Variants in CNIH3 observed in about 807,000 individuals in gnomAD.
CNIH3 encodes cornichon family AMPA receptor auxiliary protein 3.
A neutral mutation model predicts 24.1 loss-of-function variants in CNIH3; 14 were observed. That is an observed-to-expected ratio of 0.58 (90% CI 0.38 to 0.91). The LOEUF (loss-of-function observed/expected upper bound fraction) is 0.91. CNIH3 is among the 40% of genes least tolerant of loss of function. The pLI is 0.00. For synonymous variants in CNIH3, 68 were observed against 73.8 expected (o/e 0.92, Z 0.40); for missense variants, 178 against 196.8 (o/e 0.90, Z 0.57).
chr1:224,514,932 C>A (rs967192782), upstream of CNIH3, among the ~76,000 whole-genome samples: 1 of 152,206 alleles, frequency 6.6e-6, no homozygotes, highest in African/African-American at 2.4e-5. Flanking sequence ...GGAGCCTAGG[C>A]CAGAGAAGTG....
At chr1:224,603,638 AT>A (rs530392857) in intron 3 of CNIH3, among the ~76,000 whole-genome samples, 24 of 152,104 alleles carry the variant, frequency 1.6e-4, no homozygotes, top group African/African-American at 5.3e-4. Flanking sequence ...GGTGAGACAC[AT>A]TTTTTTTATG....
intron 3 of CNIH3, among the ~76,000 whole-genome samples, chr1:224,688,645 A>G (rs2125154651): frequency 1.3e-5 from 2 of 152,268 alleles, no homozygotes; most frequent in South Asian, 4.1e-4. Context: ...TACATATTTT[A>G]CTACATTTAC....
At chr1:224,504,085 AC>A (rs1301835796) in intron 1 of CNIH3, among the ~76,000 whole-genome samples, 2 of 152,298 alleles carry the variant, frequency 1.3e-5, no homozygotes, top group Admixed American at 1.3e-4. Context: ...TACTTGCCCT[AC>A]TTACTTAAAC....
At chr1:224,606,387 GA>G (rs1463719435) in intron 3 of CNIH3, among the ~76,000 whole-genome samples, 1 of 152,140 alleles carries the variant, frequency 6.6e-6, no homozygotes, top group East Asian at 1.9e-4. Flanking sequence ...TGGGGAGCTG[GA>G]AAGGGGATGG....
At chr1:224,474,290 G>A (rs559156849) in intron 1 of CNIH3, among the ~76,000 whole-genome samples, 9 of 151,834 alleles carry the variant, frequency 5.9e-5, no homozygotes, top group African/African-American at 1.9e-4. Flanking sequence ...CTTGCACCCA[G>A]GAGGCAGAGG....
chr1:224,617,231 G>C lies in CNIH3; in HGVS notation c.57G>C (p.Ala19=). The change falls in exon 1 of 6, where the codon GCG becomes GCC. Residue 19 remains alanine, a synonymous_variant. Coordinates refer to ENST00000272133, the MANE Select transcript of CNIH3 (RefSeq NM_152495.2). ...CYMLSLVLCA[A]LIFFAIWHII... is the part of the protein sequence containing the mutation. The stretch of plus-strand genomic sequence containing the variant: ...TGCTGTCTCTGGTGCTGTGCGCTGC[G>C]CTCATCTTCTTCGCCATCTGGCACG... 3 of 1,613,972 alleles carry C rather than the reference G, an allele frequency of 1.9e-6. No homozygotes were observed. The highest frequency in any genetic ancestry group is 2.5e-6 in the Non-Finnish European group (3 of 1,179,948).
chr1:224,474,258 G>C (rs991795401), intron 1 of CNIH3, among the ~76,000 whole-genome samples: 5 of 152,016 alleles, frequency 3.3e-5, no homozygotes, highest in Admixed American at 1.3e-4. Flanking sequence ...CAGCTACTTG[G>C]GAGGCTGAGG....
chr1:224,595,846 A>C (rs1681954647), intron 3 of CNIH3, among the ~76,000 whole-genome samples: 2 of 152,250 alleles, frequency 1.3e-5, no homozygotes, highest in Non-Finnish European at 2.9e-5. Flanking sequence ...GCCAAAGCCT[A>C]ACCCAGAGCA....
At chr1:224,725,167 G>A (rs1022577848) in intron 3 of CNIH3, among the ~76,000 whole-genome samples, 1 of 152,168 alleles carries the variant, frequency 6.6e-6, no homozygotes, top group Non-Finnish European at 1.5e-5. Flanking sequence ...CCAAGATCGT[G>A]CTACTGCACT....
Position 224,506,156 on chromosome 1 carries a change from T to G in CNIH3, n.204-9585T>G, listed in dbSNP as rs1204902661. Among the ~76,000 whole-genome samples, 3 of 152,204 alleles carry G rather than the reference T, an allele frequency of 2.0e-5. No homozygotes were observed. The South Asian group carries it at 6.2e-4, about 31-fold the overall frequency. Reference sequence around the variant, plus strand: ...GAATCTCTGAGGAATGAAATTCCTTTGTAACAAAGGCAGCTGAGTATTAAA... The same window carrying G: ...GAATCTCTGAGGAATGAAATTCCTTGGTAACAAAGGCAGCTGAGTATTAAA... On this transcript the variant is annotated intron_variant and non_coding_transcript_variant, in intron 1 of 5. Transcript: ENST00000471578.
intron 1 of CNIH3, among the ~76,000 whole-genome samples, chr1:224,619,180 A>G (rs1683167182): frequency 6.6e-6 from 1 of 152,220 alleles, no homozygotes; most frequent in African/African-American, 2.4e-5. Flanking sequence ...AGAGCAAGTA[A>G]CCAGAAAGAA....
chr1:224,485,115 G>A lies in CNIH3; in HGVS notation n.204-30626G>A, dbSNP rs1221032970. On this transcript the variant is annotated intron_variant and non_coding_transcript_variant, in intron 1 of 5. Coordinates refer to the CNIH3 transcript ENST00000471578. The stretch of plus-strand genomic sequence containing the variant: ...TTGAGCTTTATTTTGGGATGTAGTT[G>A]AGTTTATTGGAAACAGCCCTCTGTT... 2.0e-5 allele frequency among the ~76,000 whole-genome samples: 3 copies of A among 152,162 alleles called. No individual in the cohort carries two copies. The East Asian group carries it at 5.8e-4, about 29-fold the overall frequency.
At chr1:224,714,735 C>T (rs905575631) in intron 3 of CNIH3, among the ~76,000 whole-genome samples, 2 of 152,170 alleles carry the variant, frequency 1.3e-5, no homozygotes, top group African/African-American at 2.4e-5. Context: ...AGGGTCACTC[C>T]GTTCATCCAC....
At chr1:224,468,555 T>G (rs984028048) in intron 1 of CNIH3, among the ~76,000 whole-genome samples, 1 of 152,206 alleles carries the variant, frequency 6.6e-6, no homozygotes, top group African/African-American at 2.4e-5. Flanking sequence ...AAAAATAGAT[T>G]TATTAGGATT....
chr1:224,457,275 C>CTGTGTGTG (rs1168012940), intron 1 of CNIH3, among the ~76,000 whole-genome samples: 3 of 42,702 alleles, frequency 7.0e-5, no homozygotes, highest in African/African-American at 2.2e-4. Flanking sequence ...CTCTCTCTCT[C>CTGTGTGTG]TGTGTGTGTG....
At chr1:224,442,631 T>C (rs571124328) in intron 1 of CNIH3, among the ~76,000 whole-genome samples, 10 of 152,306 alleles carry the variant, frequency 6.6e-5, no homozygotes, top group African/African-American at 2.2e-4. Flanking sequence ...GAAGACAAGG[T>C]TGTAAGTGCT....
At chr1:224,700,152 G>A (rs1276234370) in intron 3 of CNIH3, among the ~76,000 whole-genome samples, 1 of 152,148 alleles carries the variant, frequency 6.6e-6, no homozygotes, top group African/African-American at 2.4e-5. Flanking sequence ...TCTCTCCCCT[G>A]TATGGAGGCC....
At chr1:224,591,237 G>C (rs1681742614), downstream of CNIH3, among the ~76,000 whole-genome samples, 1 of 152,184 alleles carries the variant, frequency 6.6e-6, no homozygotes, top group African/African-American at 2.4e-5. Context: ...CCTCTGTAAA[G>C]TTTCTCCTCT....
intron 1 of CNIH3, among the ~76,000 whole-genome samples, chr1:224,660,128 C>T (rs1685277627): frequency 6.6e-6 from 1 of 152,134 alleles, no homozygotes; most frequent in African/African-American, 2.4e-5. Flanking sequence ...TTTCATGCTG[C>T]TGATAAAGAC....
Sources: allele counts gnomAD v4.1 joint callset (sites outside exome capture counted in the v4.1 genomes callset), GRCh38; gene constraint gnomAD v4.1.1; transcripts MANE v1.5; gene names NCBI Gene and HGNC (gene_info 2026-07-23, HGNC 2026-07-21).